TNR: variants seen among roughly 807,000 people sequenced by gnomAD.
TNR encodes tenascin R, also known as tenascin-R.
In TNR, 45 loss-of-function variants were observed where a neutral mutation model predicts 150.4. That is an observed-to-expected ratio of 0.30 (90% CI 0.24 to 0.38). TNR has a LOEUF of 0.38. TNR is among the 10% of genes least tolerant of loss of function. The probability of loss-of-function intolerance (pLI) is 1.00; values close to 1 mark genes in which losing one functional copy is unlikely to be tolerated. For synonymous variants in TNR, 687 were observed against 678.4 expected, an observed-to-expected ratio of 1.01 and a Z score of -0.20; for missense variants, 1,544 against 1,759.1, an observed-to-expected ratio of 0.88 and a Z score of 2.19.
intron 4 of TNR, among the ~76,000 whole-genome samples, chr1:175,400,819 C>G (rs991332860): frequency 5.3e-5 from 8 of 152,048 alleles, no homozygotes; most frequent in African/African-American, 1.9e-4. Context: ...GATAAATAGC[C>G]CCTTCTCCTA....
chr1:175,379,179 C>CAA (rs148710947), intron 9 of TNR, among the ~76,000 whole-genome samples: 10 of 114,766 alleles, frequency 8.7e-5, no homozygotes, highest in African/African-American at 1.7e-4. Context: ...AACTCCGTCT[C>CAA]AAAAAAAAAA....
At chr1:175,416,861 A>G (rs925854135) in intron 2 of TNR, among the ~76,000 whole-genome samples, 1 of 152,278 alleles carries the variant, frequency 6.6e-6, no homozygotes, top group East Asian at 1.9e-4. Flanking sequence ...ACAAAAAATT[A>G]GCCAGGCGTG....
At chr1:175,551,025 GTCCAACT>G (rs1404035530) in intron 1 of TNR, among the ~76,000 whole-genome samples, 1 of 152,156 alleles carries the variant, frequency 6.6e-6, no homozygotes, top group Non-Finnish European at 1.5e-5. Context: ...ATCCCTGGAG[GTCCAACT>G]TCCAACCAAC....
chr1:175,471,149 T>C (rs1318071544), intron 2 of TNR, among the ~76,000 whole-genome samples: 1 of 152,200 alleles, frequency 6.6e-6, no homozygotes, highest in Non-Finnish European at 1.5e-5. Context: ...AACTGTCTTA[T>C]GAGTCACAAG....
intron 2 of TNR, among the ~76,000 whole-genome samples, chr1:175,428,286 T>C (rs1655105072): frequency 6.6e-6 from 1 of 152,198 alleles, no homozygotes; most frequent in South Asian, 2.1e-4. Flanking sequence ...CTTGCTGTAC[T>C]AGAGGCTGCG....
chr1:175,444,711 A>G (rs1655956082), intron 2 of TNR, among the ~76,000 whole-genome samples: 1 of 152,192 alleles, frequency 6.6e-6, no homozygotes. Flanking sequence ...AAGCCACACA[A>G]CCAGACAACT....
At chr1:175,650,807 A>AG (rs1396757009) in intron 1 of TNR, among the ~76,000 whole-genome samples, 24 of 26,122 alleles carry the variant, frequency 9.2e-4, no homozygotes, top group Admixed American at 2.0e-3. Context: ...TCTCATTACT[A>AG]CCTGTCCCCC....
intron 22 of TNR, among the ~76,000 whole-genome samples, chr1:175,323,884 A>G (rs1392911310): frequency 6.6e-6 from 1 of 152,204 alleles, no homozygotes; most frequent in Non-Finnish European, 1.5e-5. Context: ...TGGTTTGCCT[A>G]GAACTGAAGG....
intron 1 of TNR, among the ~76,000 whole-genome samples, chr1:175,617,543 T>C (rs1157211221): frequency 6.6e-6 from 1 of 152,070 alleles, no homozygotes; most frequent in African/African-American, 2.4e-5. Flanking sequence ...GCCTAAAGCC[T>C]TCTATTCATA....
chr1:175,392,692 T>C (rs1653235658), intron 6 of TNR, among the ~76,000 whole-genome samples: 1 of 152,202 alleles, frequency 6.6e-6, no homozygotes, highest in South Asian at 2.1e-4. Flanking sequence ...ATAATATGAC[T>C]GTAAATAAGA....
intron 1 of TNR, among the ~76,000 whole-genome samples, chr1:175,533,768 C>T (rs375893018): frequency 5.9e-5 from 9 of 152,232 alleles, no homozygotes; most frequent in African/African-American, 2.2e-4. Context: ...ACAGGCTGCC[C>T]TTTCCACATT....
intron 2 of TNR, among the ~76,000 whole-genome samples, chr1:175,462,473 GC>G (rs980502906): frequency 2.6e-5 from 4 of 152,148 alleles, no homozygotes; most frequent in African/African-American, 9.7e-5. Flanking sequence ...ATAAAGATGT[GC>G]CCGTCCACAG....
intron 2 of TNR, among the ~76,000 whole-genome samples, chr1:175,503,890 C>A (rs991133463): frequency 1.3e-5 from 2 of 152,100 alleles, no homozygotes; most frequent in African/African-American, 4.8e-5. Context: ...TGCAGGGAAT[C>A]GAAGCCAGGC....
intron 1 of TNR, among the ~76,000 whole-genome samples, chr1:175,535,534 C>G (rs1227912228): frequency 6.6e-6 from 1 of 151,902 alleles, no homozygotes; most frequent in Non-Finnish European, 1.5e-5. Flanking sequence ...GATCTCGGCT[C>G]ACTGCAAGCT....
At chr1:175,371,578 G>A (rs1404641830) in intron 9 of TNR, among the ~76,000 whole-genome samples, 1 of 152,154 alleles carries the variant, frequency 6.6e-6, no homozygotes, top group Non-Finnish European at 1.5e-5. Context: ...ACGAAGGGGA[G>A]GGAAGAAAAA....
chr1:175,600,408 T>C (rs934549236), intron 1 of TNR, among the ~76,000 whole-genome samples: 6 of 152,178 alleles, frequency 3.9e-5, no homozygotes, highest in African/African-American at 1.4e-4. Context: ...GCAAACATAG[T>C]TTTGTATGTT....
intron 4 of TNR, among the ~76,000 whole-genome samples, chr1:175,402,238 C>T (rs1051976051): frequency 4.9e-4 from 61 of 124,824 alleles, no homozygotes; most frequent in African/African-American, 1.8e-3. Flanking sequence ...ACCCGGGAAG[C>T]GGAGCTTGCA....
rs112597404 is a variant in TNR at position 175,364,408 on chromosome 1, G to A, written c.2588-581C>T. On this transcript the variant is annotated intron_variant, in intron 12 of 22. Transcript: ENST00000367674. ...CTACTTGTCCAGTTTGTGAGTTCTT[G>A]TTAGTAAGGAGGAAACTACCCAAAC... 4.5e-3 allele frequency among the ~76,000 whole-genome samples: 673 copies of A among 150,254 alleles called. 8 individuals carry two copies. The highest frequency in any genetic ancestry group is 0.016 in the African/African-American group (646 of 40,838).
intron 17 of TNR, among the ~76,000 whole-genome samples, chr1:175,354,791 C>T (rs1387953532): frequency 1.3e-5 from 2 of 152,176 alleles, no homozygotes; most frequent in Admixed American, 6.5e-5. Flanking sequence ...CTTCAGATTG[C>T]ACTGTACTTG....
Sources: gnomAD v4.1 joint callset for allele counts (sites outside exome capture counted in the v4.1 genomes callset) on GRCh38, gnomAD v4.1.1 for gene constraint, MANE v1.5 for transcripts, NCBI Gene and HGNC (gene_info 2026-07-23, HGNC 2026-07-21) for gene names.